The following PHF8 variants were observed in gnomAD, a reference collection of about 807,000 sequenced individuals.
PHF8 encodes histone lysine demethylase PHF8.
PHF8 carries 9 observed loss-of-function variants against 74.4 expected under a neutral mutation model. The observed-to-expected ratio is 0.12, with a 90% confidence interval of 0.07 to 0.21. The LOEUF is 0.21. Among genes scored for constraint, PHF8 ranks in the 10% least tolerant of loss-of-function variants. PHF8 has a pLI of 1.00. For missense variants in PHF8, 478 were observed against 816.6 expected (o/e 0.59, Z 5.05); for synonymous variants, 311 against 316.6 (o/e 0.98, Z 0.19).
At position 54,043,950 on chromosome X, in the gene PHF8, G is replaced by T. The variant is rs2066606679; in HGVS notation, c.-281C>A. On this transcript the variant is annotated 5_prime_UTR_variant, in exon 1 of 22. Transcript: ENST00000338154. ...CTCCGGGACTGCGAAGCGCCTCAGC[G>T]GAGGCTCGTCCGGTAGTTCCGGCCC... 1 of 755,070 alleles carries T rather than the reference G, an allele frequency of 1.3e-6. No homozygotes were observed. 62.2% of individuals were successfully genotyped at this position (755,070 alleles called of 1,213,427 possible). A position where few individuals can be genotyped will look rare whatever the true frequency, so the allele number is the denominator to read the frequency against.
chrX:54,013,909 C>T (rs1327803863), intron 7 of PHF8, among the ~76,000 whole-genome samples: 1 of 111,743 alleles, frequency 8.9e-6, no homozygotes, highest in Non-Finnish European at 1.9e-5. Flanking sequence ...AGGAAAACCT[C>T]AGGCATCTGC....
intron 19 of PHF8, among the ~76,000 whole-genome samples, chrX:53,954,777 G>GTA (rs2064989915): frequency 9.1e-6 from 1 of 110,002 alleles, no homozygotes; most frequent in African/African-American, 3.3e-5. Context: ...TATGATTACT[G>GTA]TAGCACTATA....
At chrX:54,027,785 G>A (rs1488475623) in intron 2 of PHF8, among the ~76,000 whole-genome samples, 1 of 110,767 alleles carries the variant, frequency 9.0e-6, no homozygotes, top group African/African-American at 3.3e-5. Flanking sequence ...CTGGTGAGAC[G>A]AAGACAAAAA....
intron 2 of PHF8, among the ~76,000 whole-genome samples, chrX:54,033,033 C>G: frequency 9.0e-6 from 1 of 111,152 alleles, no homozygotes; most frequent in East Asian, 2.8e-4. Context: ...AGCAGACCGA[C>G]TAGAGACAGC....
intron 8 of PHF8, among the ~76,000 whole-genome samples, chrX:54,009,874 A>G (rs2065956063): frequency 1.0e-5 from 1 of 96,900 alleles, no homozygotes; most frequent in Non-Finnish European, 2.0e-5. Flanking sequence ...AAAAAAAAAA[A>G]AAAAAAAGTG....
At chrX:54,039,653 T>C (rs955487019) in intron 2 of PHF8, 3 of 112,277 alleles carry the variant, frequency 2.7e-5, no homozygotes, top group African/African-American at 9.7e-5. Context: ...GTTTTTGTTT[T>C]AATCAGCACT....
intron 18 of PHF8, among the ~76,000 whole-genome samples, chrX:53,976,687 TAA>T (rs782651624): frequency 1.6e-4 from 12 of 77,397 alleles, no homozygotes; most frequent in African/African-American, 2.3e-4. Flanking sequence ...CTTTTTAAGT[TAA>T]AAAAAAAAAA....
chrX:53,993,565 A>G (rs2065702001), intron 13 of PHF8, 36 bp downstream of exon 13: 1 of 1,169,873 alleles, frequency 8.5e-7, no homozygotes, highest in Non-Finnish European at 1.2e-6. Context: ...AGGGACACCC[A>G]AAAGGGTTGG....
Position 54,043,873 on chromosome X carries a change from G to A in PHF8, c.-204C>T, listed in dbSNP as rs1020718447. On this transcript the variant is annotated 5_prime_UTR_variant, in exon 1 of 22. Transcript: ENST00000338154. ...ACCTCCTCATGCTTTGGGCTGCAAGGACTCCACGCCCGCGGAGCTCAGCCC... is the reference window on the plus strand; with the variant it reads ...ACCTCCTCATGCTTTGGGCTGCAAGAACTCCACGCCCGCGGAGCTCAGCCC... 2.5e-5 allele frequency: 19 copies of A among 752,064 alleles called. No individual in the cohort carries two copies. In the South Asian group the frequency reaches 3.4e-4, roughly 13 times the overall value. 62.0% of individuals were successfully genotyped at this position (752,064 alleles called of 1,213,427 possible).
chrX:53,949,347 A>T (rs1005873069), intron 19 of PHF8, among the ~76,000 whole-genome samples: 2 of 111,456 alleles, frequency 1.8e-5, no homozygotes, highest in Non-Finnish European at 3.8e-5. Flanking sequence ...AAAATAAAAT[A>T]AAATTGTCAT....
Position 54,044,297 on chromosome X carries a change from A to C in PHF8, c.-628T>G. 1.3e-6 allele frequency: 1 copy of C among 754,946 alleles called. No homozygotes were observed. The highest frequency in any genetic ancestry group is 1.6e-6 in the Non-Finnish European group (1 of 639,243). 62.2% of individuals were successfully genotyped at this position (754,946 alleles called of 1,213,427 possible). A position where few individuals can be genotyped will look rare whatever the true frequency, so the allele number is the denominator to read the frequency against. On this transcript the variant is annotated 5_prime_UTR_variant, in exon 1 of 22. Coordinates refer to ENST00000338154, the MANE Select transcript of PHF8 (RefSeq NM_015107.3). ...ACACGGCCCGAAAAGTCGCTGGGAG[A>C]AGCCCAGTGGCGGTGGTAGGCAATT...
intron 16 of PHF8, among the ~76,000 whole-genome samples, chrX:53,986,765 T>C (rs1557099661): frequency 9.2e-6 from 1 of 109,269 alleles, no homozygotes; most frequent in Non-Finnish European, 1.9e-5. Flanking sequence ...AGACCCTATC[T>C]CTACAAAAAA....
chrX:53,957,845 T>C (rs2065037307), intron 19 of PHF8, among the ~76,000 whole-genome samples: 2 of 111,339 alleles, frequency 1.8e-5, no homozygotes, highest in South Asian at 7.5e-4. Context: ...ACCCCAATGC[T>C]GGAGGTGAAG....
chrX:54,025,711 C>G, intron 2 of PHF8, among the ~76,000 whole-genome samples: 1 of 111,865 alleles, frequency 8.9e-6, no homozygotes, highest in East Asian at 2.8e-4. Context: ...ACACCAGCAA[C>G]TGCTGTACCT....
intron 2 of PHF8, among the ~76,000 whole-genome samples, chrX:54,042,007 A>G (rs1186783409): frequency 4.5e-5 from 5 of 112,286 alleles, no homozygotes; most frequent in African/African-American, 9.7e-5. Context: ...TAATTGTCAG[A>G]CTATAAAAAT....
At chrX:54,027,693 G>A (rs1371975356) in intron 2 of PHF8, among the ~76,000 whole-genome samples, 38 of 111,027 alleles carry the variant, frequency 3.4e-4, no homozygotes, top group Admixed American at 3.2e-3. Context: ...CTCTATCCTT[G>A]ACTTCTATAA....
chrX:54,009,847 A>G (rs2065954675), intron 8 of PHF8, among the ~76,000 whole-genome samples: 4 of 69,258 alleles, frequency 5.8e-5, no homozygotes, highest in African/African-American at 2.0e-4. Flanking sequence ...TGTCTCAGAA[A>G]AAAAAAAAAA....
chrX:53,987,177 G>T lies in PHF8; in HGVS notation c.1910-14C>A. Reference sequence around the variant, plus strand: ...TCCGGGGAAATTCTAGAAAACAATGGAATGCACTTATTATGAAGCTATGAT... The same window carrying T: ...TCCGGGGAAATTCTAGAAAACAATGTAATGCACTTATTATGAAGCTATGAT... On this transcript the variant is annotated splice_polypyrimidine_tract_variant and intron_variant, in intron 15 of 21. Coordinates refer to ENST00000338154, the MANE Select transcript of PHF8 (RefSeq NM_015107.3). 8.4e-6 allele frequency: 9 copies of T among 1,067,854 alleles called. No homozygotes were observed. Among genetic ancestry groups the T allele is most frequent in the Non-Finnish European group, 1.2e-5 (9 of 764,567 alleles). The allele number at this position is 1,067,854 out of a possible 1,213,427, so 88.0% of individuals were successfully genotyped here.
At position 53,940,488 on chromosome X, in the gene PHF8, T is replaced by C. The variant is rs1557083191; in HGVS notation, c.2678A>G (p.Tyr893Cys). ...CTTCAGCAAAGGCTTCTTCTTGATA[T>C]ATTTCTTCTTTTGGGCCTTCTGTAG... ...QELQKAQKKK[Y>C]IKKKPLLKEV... Residue 893 changes from tyrosine to cysteine, a missense_variant, in exon 21 of 22, where the codon TAT becomes TGT. Transcript: ENST00000338154. The C allele has an allele frequency of 2.5e-6, 3 of 1,206,200 alleles. No individual in the cohort carries two copies. Among genetic ancestry groups the C allele is most frequent in the Non-Finnish European group, 3.4e-6 (3 of 891,545 alleles).
Sources: gnomAD v4.1 joint callset for allele counts (sites outside exome capture counted in the v4.1 genomes callset) on GRCh38, gnomAD v4.1.1 for gene constraint, MANE v1.5 for transcripts, NCBI Gene and HGNC (gene_info 2026-07-23, HGNC 2026-07-21) for gene names.